PARP9: variants seen among roughly 807,000 people sequenced by gnomAD.
The protein encoded by PARP9 is poly(ADP-ribose) polymerase family member 9.
PARP9 carries 48 observed loss-of-function variants against 68.8 expected under a neutral mutation model. That is an observed-to-expected ratio of 0.70 (90% CI 0.55 to 0.89). The LOEUF (loss-of-function observed/expected upper bound fraction) is 0.89. Among genes scored for constraint, PARP9 ranks in the 40% least tolerant of loss-of-function variants. The pLI is 0.00. For synonymous variants in PARP9, 309 were observed against 333.8 expected, an observed-to-expected ratio of 0.93 and a Z score of 0.81; for missense variants, 806 against 969.3, an observed-to-expected ratio of 0.83 and a Z score of 2.24.
chr3:122,536,374 A>G lies in PARP9; in HGVS notation c.1906-32T>C, dbSNP rs551663584. ...CCATAGAAAAGAAAGACTGAAAAAGAGGCTAGAGAACCGCTCTTTAAATTG... is the reference window on the plus strand; with the variant it reads ...CCATAGAAAAGAAAGACTGAAAAAGGGGCTAGAGAACCGCTCTTTAAATTG... On this transcript the variant is annotated intron_variant, in intron 9 of 10. Coordinates refer to ENST00000682323, the MANE Select transcript of PARP9 (RefSeq NM_001146105.2). The G allele has an allele frequency of 7.5e-6, 12 of 1,604,506 alleles. No homozygotes were observed. In the African/African-American group the frequency reaches 1.2e-4, roughly 16 times the overall value.
chr3:122,558,031 G>A (rs560496820), intron 3 of PARP9, among the ~76,000 whole-genome samples: 4 of 152,276 alleles, frequency 2.6e-5, no homozygotes, highest in South Asian at 4.1e-4. Flanking sequence ...TTACCCAAAC[G>A]AAGCCGGAAT....
Position 122,554,456 on chromosome 3 carries a change from G to A in PARP9, c.885+830C>T, listed in dbSNP as rs576330788. ...TAATAAAGAATATAATTGATTTTAG[G>A]TTCCTTGGGATCAAAGATTGTTCTA... On this transcript the variant is annotated intron_variant, in intron 4 of 10. Transcript: ENST00000682323. Among the ~76,000 whole-genome samples the A allele has an allele frequency of 3.3e-5, 5 of 152,216 alleles. No homozygotes were observed. In the East Asian group the frequency reaches 9.6e-4, roughly 29 times the overall value.
At chr3:122,536,778 T>C (rs1030787866) in intron 9 of PARP9, 156 bp downstream of exon 9, 8 of 833,646 alleles carry the variant, frequency 9.6e-6, no homozygotes, top group Non-Finnish European at 1.3e-5. Context: ...CCCTCGTGCC[T>C]GCCCTGCCCT....
chr3:122,539,191 C>T (rs1015638503), intron 8 of PARP9, among the ~76,000 whole-genome samples: 5 of 152,294 alleles, frequency 3.3e-5, no homozygotes, highest in Admixed American at 6.5e-5. Context: ...TATTTCTTGA[C>T]GTTTTCTTTC....
At chr3:122,531,082 G>T (rs765759167) in intron 10 of PARP9, among the ~76,000 whole-genome samples, 1 of 152,124 alleles carries the variant, frequency 6.6e-6, no homozygotes, top group South Asian at 2.1e-4. Flanking sequence ...ACATTCTTTT[G>T]TAGTAGGTCT....
chr3:122,540,301 A>G (rs2078097191), intron 8 of PARP9, among the ~76,000 whole-genome samples, 171 bp downstream of exon 8: 1 of 152,238 alleles, frequency 6.6e-6, no homozygotes, highest in South Asian at 2.1e-4. Flanking sequence ...CTGATTGTCA[A>G]AAGAGAGCAA....
At chr3:122,554,812 G>A (rs949717808) in intron 4 of PARP9, among the ~76,000 whole-genome samples, 1 of 152,030 alleles carries the variant, frequency 6.6e-6, no homozygotes, top group African/African-American at 2.4e-5. Flanking sequence ...TGAACTCATG[G>A]GCTCAAGTGC....
rs778567185 is a variant in PARP9, at chr3:122,552,567, G to T, written c.958C>A (p.Gln320Lys). ...VGPVAKSILQQAGVEMKSEFL... is the reference protein window; with the variant it reads ...VGPVAKSILQKAGVEMKSEFL... ...TCCGATTTCATTTCAACTCCTGCTTGTTGTAGAATTGACTTTGCCACAGGT... is the reference window on the plus strand; with the variant it reads ...TCCGATTTCATTTCAACTCCTGCTTTTTGTAGAATTGACTTTGCCACAGGT... The change falls in exon 5 of 11, where the codon CAA (glutamine) becomes AAA (lysine). Residue 320 changes from glutamine to lysine, a missense_variant. Gln to Lys is a moderately conservative substitution (Grantham distance 53, BLOSUM62 1). This residue lies in a region of PARP9 where 680 missense variants were observed against 858.8 expected (regional missense o/e 0.79). Transcript: ENST00000682323. The T allele has an allele frequency of 1.1e-5, 17 of 1,614,078 alleles. No homozygotes were observed. Among genetic ancestry groups the T allele is most frequent in the Non-Finnish European group, 1.4e-5 (17 of 1,179,994 alleles).
intron 6 of PARP9, among the ~76,000 whole-genome samples, chr3:122,547,391 G>A (rs1024016680): frequency 3.3e-5 from 5 of 151,848 alleles, no homozygotes; most frequent in African/African-American, 7.3e-5. Flanking sequence ...CACCAAGCCC[G>A]GCCCCCTACG....
chr3:122,552,357 T>TAA (rs3216715), intron 5 of PARP9, 61 bp downstream of exon 5: 532 of 1,140,566 alleles, frequency 4.7e-4, no homozygotes, highest in Non-Finnish European at 5.5e-4. Flanking sequence ...GAAATTTGTT[T>TAA]AAAAAAAAAA....
At chr3:122,558,592 G>T (rs2079913981) in intron 2 of PARP9, 125 bp from the exon 3 acceptor site, 2 of 1,141,270 alleles carry the variant, frequency 1.8e-6, no homozygotes, top group Non-Finnish European at 2.4e-6. Context: ...TGTTTGGGAG[G>T]GCAGGAAGCA....
chr3:122,542,890 T>C (rs1447206341), intron 7 of PARP9, among the ~76,000 whole-genome samples: 1 of 152,126 alleles, frequency 6.6e-6, no homozygotes, highest in Non-Finnish European at 1.5e-5. Context: ...CAAAATACAC[T>C]GAATTTTAAC....
At chr3:122,534,687 A>G in intron 10 of PARP9, 1 of 188,794 alleles carries the variant, frequency 5.3e-6, no homozygotes, top group Non-Finnish European at 9.9e-6. Flanking sequence ...AGCCTGGCCA[A>G]CATGATGAAA....
intron 7 of PARP9, among the ~76,000 whole-genome samples, chr3:122,541,736 C>T (rs1277340914): frequency 6.6e-6 from 1 of 152,174 alleles, no homozygotes; most frequent in African/African-American, 2.4e-5. Flanking sequence ...CCCATCTCAC[C>T]AACAAGGAAA....
chr3:122,536,800 A>T (rs2077679277), intron 9 of PARP9, 134 bp downstream of exon 9: 1 of 1,074,904 alleles, frequency 9.3e-7, no homozygotes, highest in Admixed American at 2.4e-5. Context: ...CTCTCTTTTC[A>T]GTCTTACTGA....
chr3:122,564,482 G>A (rs147040203), upstream of PARP9: 90 of 1,612,634 alleles, frequency 5.6e-5, no homozygotes, highest in Non-Finnish European at 7.2e-5. Flanking sequence ...TACAAGTCCG[G>A]CCCCCGAGTA....
intron 8 of PARP9, among the ~76,000 whole-genome samples, chr3:122,538,658 CCACACACACACA>C (rs10577699): frequency 1.7e-4 from 24 of 145,032 alleles, no homozygotes; most frequent in African/African-American, 5.4e-4. Context: ...TAAAGCAATG[CCACACACACACA>C]CACACACACA....
chr3:122,559,581 A>T (rs767947375), intron 2 of PARP9, 25 bp downstream of exon 2: 1 of 1,580,368 alleles, frequency 6.3e-7, no homozygotes, highest in Non-Finnish European at 8.6e-7. Context: ...AAGGTTCATG[A>T]CGTATACACA....
At position 122,550,705 on chromosome 3, in the gene PARP9, A is replaced by G. The variant is rs188965325; in HGVS notation, c.1205T>C (p.Ile402Thr). The part of the protein sequence containing the change: ...FPALGTGNME[I>T]KKETAAEILF... ...AATCTCTGCTGCTGTTTCCTTCTTT[A>G]TTTCCATGTTTCCAGTCCCAAGGGC... Residue 402 changes from isoleucine (I) to threonine (T), a missense_variant, in exon 6 of 11, where the codon ATA (isoleucine) becomes ACA (threonine). Coordinates refer to ENST00000682323, the MANE Select transcript of PARP9 (RefSeq NM_001146105.2). The G allele has an allele frequency of 1.9e-5, 31 of 1,614,052 alleles. No individual in the cohort carries two copies. In the African/African-American group the frequency reaches 2.7e-4, roughly 14 times the overall value.
Sources: allele counts gnomAD v4.1 joint callset (sites outside exome capture counted in the v4.1 genomes callset), GRCh38; gene constraint gnomAD v4.1.1; regional missense constraint gnomAD v4.1.1; transcripts MANE v1.5; gene names NCBI Gene and HGNC (gene_info 2026-07-23, HGNC 2026-07-21).